GLT8D2: variants seen among roughly 807,000 people sequenced by gnomAD.
GLT8D2 encodes glycosyltransferase 8 domain-containing protein 2.
GLT8D2 carries 45 observed loss-of-function variants against 44.5 expected under a neutral mutation model. That is an observed-to-expected ratio of 1.01 (90% CI 0.80 to 1.30). GLT8D2 has a LOEUF of 1.30. GLT8D2 is among the 50% of genes most tolerant of loss of function. The pLI, the probability that GLT8D2 is intolerant of heterozygous loss-of-function variation, is 0.00. For missense variants in GLT8D2, 400 were observed against 430.4 expected (o/e 0.93, Z 0.62); for synonymous variants, 156 against 157.2 (o/e 0.99, Z 0.06).
chr12:103,994,634 T>A (rs7295650), intron 8 of GLT8D2, 133 bp from the exon 9 acceptor site: 34,475 of 740,020 alleles, frequency 0.047, 2,363 homozygotes, highest in African/African-American at 0.22. Context: ...TAGTTTGTTG[T>A]TTTTGTTTTG....
chr12:104,026,470 T>G (rs1270081465), intron 1 of GLT8D2, among the ~76,000 whole-genome samples: 2 of 152,120 alleles, frequency 1.3e-5, no homozygotes, highest in African/African-American at 4.8e-5. Flanking sequence ...CCTCCCTCTA[T>G]TCTCGAAATA....
chr12:104,049,929 C>G lies in GLT8D2; in HGVS notation c.-198G>C, dbSNP rs577383227. On this transcript the variant is annotated 5_prime_UTR_variant, in exon 1 of 11. Transcript: ENST00000360814. ...GGTGAGGGTAGGGCTTTGGGCTCCT[C>G]GGTCCAGAAGAGCTGCAAGGCAGAG... is the stretch of plus-strand genomic sequence containing the variant. 6.6e-6 allele frequency: 1 copy of G among 152,354 alleles called. No individual in the cohort carries two copies. The highest frequency in any genetic ancestry group is 1.5e-5 in the Non-Finnish European group (1 of 68,130). The allele number at this position is 152,354 out of a possible 1,614,324, so 9.4% of individuals were successfully genotyped here.
In GLT8D2 at chr12:104,050,079, T is replaced by G. The variant is rs1881571328; in HGVS notation, c.-348A>C. 6.6e-6 allele frequency: 1 copy of G among 152,224 alleles called. No homozygotes were observed. Among genetic ancestry groups the G allele is most frequent in the South Asian group, 2.1e-4 (1 of 4,832 alleles). The allele number at this position is 152,224 out of a possible 1,614,324, so 9.4% of individuals were successfully genotyped here. The stretch of plus-strand genomic sequence containing the variant: ...CAATATTACGTTTCCAAAAGAATAT[T>G]CCTCCCCGACCCGCACTCCCCTTTG... On this transcript the variant is annotated 5_prime_UTR_variant, in exon 1 of 11. Transcript: ENST00000360814.
At chr12:104,024,926 C>T (rs1293875459) in intron 1 of GLT8D2, among the ~76,000 whole-genome samples, 1 of 151,810 alleles carries the variant, frequency 6.6e-6, no homozygotes, top group Non-Finnish European at 1.5e-5. Flanking sequence ...AAAAATTAAC[C>T]AGGCGTGGTG....
chr12:104,055,084 G>A (rs906220922), upstream of GLT8D2, among the ~76,000 whole-genome samples: 2 of 152,256 alleles, frequency 1.3e-5, no homozygotes, highest in Non-Finnish European at 1.5e-5. Context: ...GGCAACAAGA[G>A]AGAGTGGTTT....
chr12:104,007,570 A>G (rs1875233497), intron 4 of GLT8D2, among the ~76,000 whole-genome samples: 3 of 152,238 alleles, frequency 2.0e-5, no homozygotes, highest in Admixed American at 2.0e-4. Flanking sequence ...ACTGTTAAGG[A>G]GGAAAAGAAT....
rs1471868666 is a variant in GLT8D2 at position 104,016,741 on chromosome 12, A to G, written c.20-1636T>C. ...AAAGAAAGAAAGAAAGAAAGAAAGAAAGAAAGAAAGAAAGAAAGAAAGAAA... is the reference window on the plus strand; with the variant it reads ...AAAGAAAGAAAGAAAGAAAGAAAGAGAGAAAGAAAGAAAGAAAGAAAGAAA... On this transcript the variant is annotated intron_variant, in intron 3 of 10. Transcript: ENST00000360814. 4.1e-3 allele frequency among the ~76,000 whole-genome samples: 406 copies of G among 99,528 alleles called. 4 individuals are homozygous for G. Among genetic ancestry groups the G allele is most frequent in the Non-Finnish European group, 6.4e-3 (302 of 47,468 alleles). The allele number at this position is 99,528 out of a possible 152,430, so 65.3% of individuals were successfully genotyped here.
intron 1 of GLT8D2, among the ~76,000 whole-genome samples, chr12:104,056,915 A>G (rs1223625913): frequency 6.6e-6 from 1 of 152,250 alleles, no homozygotes; most frequent in Non-Finnish European, 1.5e-5. Flanking sequence ...TCCAAGTAAC[A>G]TTGTAAAAAA....
At chr12:103,998,719 C>T (rs11613576) in intron 6 of GLT8D2, among the ~76,000 whole-genome samples, 9,070 of 152,078 alleles carry the variant, frequency 0.06, 351 homozygotes, top group South Asian at 0.086. Flanking sequence ...CTAAATAAAA[C>T]TTTTTTAAGT....
chr12:104,006,311 G>A (rs1305372529), intron 4 of GLT8D2, among the ~76,000 whole-genome samples: 1 of 152,032 alleles, frequency 6.6e-6, no homozygotes, highest in East Asian at 1.9e-4. Context: ...CACCAACATG[G>A]CACGTGTATA....
upstream of GLT8D2, among the ~76,000 whole-genome samples, chr12:104,054,057 C>A (rs1411806883): frequency 6.6e-6 from 1 of 151,768 alleles, no homozygotes; most frequent in African/African-American, 2.4e-5. Context: ...TAATGATTAC[C>A]AAAATCAAAT....
chr12:104,038,427 G>A (rs1171444541), intron 1 of GLT8D2, among the ~76,000 whole-genome samples: 1 of 152,182 alleles, frequency 6.6e-6, no homozygotes, highest in African/African-American at 2.4e-5. Context: ...TCCTTAAGCT[G>A]ATAAGCAACT....
At chr12:104,064,296 G>T, upstream of GLT8D2, 1 of 382,922 alleles carries the variant, frequency 2.6e-6, no homozygotes, top group Non-Finnish European at 4.7e-6. This position sits in a 1 kb window ranked among gnomAD's most constrained non-coding sequence, Gnocchi z 7.3. Context: ...GATGGGAGAC[G>T]TGGTCAGTGG....
intron 10 of GLT8D2, among the ~76,000 whole-genome samples, chr12:103,991,724 A>G (rs1872759145): frequency 1.3e-5 from 2 of 152,056 alleles, no homozygotes; most frequent in South Asian, 2.1e-4. Context: ...TTGTGCATAT[A>G]CATGCTCAGG....
chr12:104,048,234 C>T (rs1663997138), intron 1 of GLT8D2, among the ~76,000 whole-genome samples: 1 of 152,206 alleles, frequency 6.6e-6, no homozygotes, highest in Non-Finnish European at 1.5e-5. Context: ...CAGAATAGCA[C>T]ACCGCAGAGT....
At chr12:104,029,715 T>C (rs1879024630) in intron 1 of GLT8D2, 1 of 152,210 alleles carries the variant, frequency 6.6e-6, no homozygotes, top group Non-Finnish European at 1.5e-5. Flanking sequence ...TGGCAAACAG[T>C]TGGAACCCCA....
At chr12:104,031,051 C>G in intron 1 of GLT8D2, 2 of 987,786 alleles carry the variant, frequency 2.0e-6, no homozygotes, top group Non-Finnish European at 3.0e-6. Context: ...ATGAGCGGCA[C>G]TATGGGGGTC....
At chr12:104,002,837 T>A (rs1242955612) in intron 5 of GLT8D2, among the ~76,000 whole-genome samples, 1 of 151,930 alleles carries the variant, frequency 6.6e-6, no homozygotes, top group East Asian at 1.9e-4. Context: ...CTCAGCTACT[T>A]GGGAGGTGGA....
intron 4 of GLT8D2, among the ~76,000 whole-genome samples, chr12:104,005,453 G>A (rs1874859647): frequency 6.6e-6 from 1 of 152,102 alleles, no homozygotes; most frequent in Non-Finnish European, 1.5e-5. Flanking sequence ...GCAACCTACA[G>A]AATGGGAGAA....
Sources: allele counts gnomAD v4.1 joint callset (sites outside exome capture counted in the v4.1 genomes callset), GRCh38; gene constraint gnomAD v4.1.1; non-coding constraint Gnocchi (gnomAD v3.1); transcripts MANE v1.5; gene names NCBI Gene and HGNC (gene_info 2026-07-23, HGNC 2026-07-21).